Variants in TNNI3K observed in about 807,000 individuals in gnomAD.
TNNI3K encodes the protein TNNI3 interacting kinase.
Under a neutral mutation model 114.5 loss-of-function variants are expected in TNNI3K, and 140 were observed. That is an observed-to-expected ratio of 1.22 (90% confidence interval 1.07 to 1.41). The LOEUF (loss-of-function observed/expected upper bound fraction) is 1.41. Ranked by LOEUF, TNNI3K falls within the 40% of genes most tolerant of loss-of-function variation. The probability of loss-of-function intolerance (pLI) is 0.00; values close to 1 mark genes in which losing one functional copy is unlikely to be tolerated. For missense variants in TNNI3K, 1,125 were observed against 1,007.6 expected (o/e 1.12, Z -1.58); for synonymous variants, 347 against 347.5 (o/e 1.00, Z 0.02).
At chr1:74,440,696 T>A (rs886245804) in intron 20 of TNNI3K, among the ~76,000 whole-genome samples, 2 of 152,142 alleles carry the variant, frequency 1.3e-5, no homozygotes, top group African/African-American at 4.8e-5. Context: ...GTCCTAATTT[T>A]TCTCTACATA....
chr1:74,298,809 G>A (rs946687278), intron 5 of TNNI3K, among the ~76,000 whole-genome samples: 23 of 152,020 alleles, frequency 1.5e-4, no homozygotes, highest in African/African-American at 5.6e-4. Context: ...AAATATTTTA[G>A]TTGTTTTAAT....
chr1:74,254,682 A>G (rs1655164341), intron 4 of TNNI3K, among the ~76,000 whole-genome samples: 1 of 152,190 alleles, frequency 6.6e-6, no homozygotes, highest in Non-Finnish European at 1.5e-5. Flanking sequence ...ACTCATTGTT[A>G]GAGGAAAGGG....
At chr1:74,464,809 C>T in intron 21 of TNNI3K, 1 of 1,504,778 alleles carries the variant, frequency 6.6e-7, no homozygotes, top group Non-Finnish European at 8.9e-7. Flanking sequence ...CCATCACTAC[C>T]AAAATGTTAG....
At position 74,250,671 on chromosome 1, in the gene TNNI3K, G is replaced by A. The variant is rs1319861591; in HGVS notation, c.236-1G>A. ...AGCCTTTTTTCATTTTTCTCTTTAA[G>A]GCAAGAAATCACATATTCGAACTCT... On this transcript the variant is annotated splice_acceptor_variant, in intron 3 of 24. Coordinates refer to ENST00000326637, the MANE Select transcript of TNNI3K (RefSeq NM_015978.3). LOFTEE classifies it high-confidence loss of function. 1 of 1,606,674 alleles carries A rather than the reference G, an allele frequency of 6.2e-7. No homozygotes were observed.
intron 17 of TNNI3K, among the ~76,000 whole-genome samples, chr1:74,405,687 G>A (rs1489065062): frequency 6.6e-6 from 1 of 152,072 alleles, no homozygotes; most frequent in African/African-American, 2.4e-5. Flanking sequence ...GAAAAAATGA[G>A]GATTAGAGAA....
At chr1:74,311,010 AG>A (rs1402822052) in intron 5 of TNNI3K, among the ~76,000 whole-genome samples, 5 of 152,136 alleles carry the variant, frequency 3.3e-5, no homozygotes. Flanking sequence ...GCCCTAAGTC[AG>A]TTGGTCCCCA....
intron 17 of TNNI3K, among the ~76,000 whole-genome samples, chr1:74,404,453 T>C (rs1263892641): frequency 1.3e-5 from 2 of 152,194 alleles, no homozygotes; most frequent in African/African-American, 4.8e-5. Context: ...CTGTGCTTGC[T>C]AAAATCTAAG....
intron 21 of TNNI3K, among the ~76,000 whole-genome samples, chr1:74,481,731 CA>C (rs1178586179): frequency 1.3e-5 from 2 of 152,284 alleles, no homozygotes; most frequent in East Asian, 3.9e-4. Flanking sequence ...CATTAGAAAT[CA>C]AAGCATTTTA....
chr1:74,410,423 G>C (rs764241990), intron 17 of TNNI3K, among the ~76,000 whole-genome samples: 1 of 152,024 alleles, frequency 6.6e-6, no homozygotes. Context: ...ACTACTCCAG[G>C]CTCCCTCAAT....
At chr1:74,255,214 C>T (rs996559431) in intron 4 of TNNI3K, among the ~76,000 whole-genome samples, 6 of 151,818 alleles carry the variant, frequency 4.0e-5, no homozygotes, top group Non-Finnish European at 7.4e-5. Context: ...ATTAGCCGGG[C>T]GTAGTGGCGG....
rs1056446045 is a variant in TNNI3K, at chr1:74,449,425, C to T, written c.2011+9803C>T. Among the ~76,000 whole-genome samples the T allele has an allele frequency of 1.8e-4, 28 of 152,012 alleles. 1 individual carries two copies. Among genetic ancestry groups the T allele is most frequent in the African/African-American group, 5.5e-4 (23 of 41,458 alleles). ...CTTTCAAAAAACCAGCTCCTGGATT[C>T]ATTGATTTTTTGAATGGTTTTTTGT... On this transcript the variant is annotated intron_variant, in intron 20 of 24. Coordinates refer to ENST00000326637, the MANE Select transcript of TNNI3K (RefSeq NM_015978.3).
In TNNI3K at chr1:74,544,104, GT is replaced by G; in HGVS notation, c.*127del. 9.6e-7 allele frequency: 1 copy of G among 1,043,422 alleles called. No homozygotes were observed. The highest frequency in any genetic ancestry group is 1.3e-6 in the Non-Finnish European group (1 of 742,032). 64.6% of individuals were successfully genotyped at this position (1,043,422 alleles called of 1,614,324 possible). ...TCAAAGGTCTCCTTAAATTGGGCTT[GT>G]TTTTACTTGTCCTATTTAATTCCCC... is the stretch of plus-strand genomic sequence containing the variant. On this transcript the variant is annotated 3_prime_UTR_variant, in exon 25 of 25. Coordinates refer to ENST00000326637, the MANE Select transcript of TNNI3K (RefSeq NM_015978.3).
chr1:74,522,412 G>C (rs1646445872), intron 23 of TNNI3K, among the ~76,000 whole-genome samples: 1 of 152,110 alleles, frequency 6.6e-6, no homozygotes, highest in African/African-American at 2.4e-5. Flanking sequence ...TTTCCTTTCA[G>C]CTTGGTGTCT....
chr1:74,236,339 A>C (rs1653858469), intron 2 of TNNI3K, 129 bp downstream of exon 2: 3 of 671,264 alleles, frequency 4.5e-6, no homozygotes, highest in Non-Finnish European at 7.1e-6. Context: ...AAGCCTTAGG[A>C]TGTCAGATTA....
chr1:74,307,027 A>G lies in TNNI3K; in HGVS notation c.445-24423A>G, dbSNP rs533538029. ...CTTGTCTTTAACCCATCTTGAATTA[A>G]GTTTTGTATGCAGTGAGAGGTAAAC... On this transcript the variant is annotated intron_variant, in intron 5 of 24. Transcript: ENST00000326637. 2.6e-5 allele frequency among the ~76,000 whole-genome samples: 4 copies of G among 152,262 alleles called. No individual in the cohort carries two copies. In the South Asian group the frequency reaches 8.3e-4, roughly 32 times the overall value.
At chr1:74,492,065 T>C (rs1480407546) in intron 22 of TNNI3K, 32 bp from the exon 23 acceptor site, 1 of 1,483,578 alleles carries the variant, frequency 6.7e-7, no homozygotes, top group Non-Finnish European at 9.1e-7. Context: ...TTGGAAGTAT[T>C]AAACAATTGA....
chr1:74,430,344 A>T (rs1369526421), intron 17 of TNNI3K, among the ~76,000 whole-genome samples: 1 of 152,156 alleles, frequency 6.6e-6, no homozygotes, highest in Non-Finnish European at 1.5e-5. Flanking sequence ...AATTAATTCA[A>T]TTCTGAGGTT....
intron 23 of TNNI3K, among the ~76,000 whole-genome samples, chr1:74,493,525 G>A (rs1476869505): frequency 6.6e-6 from 1 of 152,166 alleles, no homozygotes; most frequent in African/African-American, 2.4e-5. Context: ...TAAATGTTAA[G>A]TTTCAAAGAG....
intron 23 of TNNI3K, among the ~76,000 whole-genome samples, chr1:74,533,839 A>G (rs555008150): frequency 1.3e-5 from 2 of 152,292 alleles, no homozygotes; most frequent in South Asian, 4.1e-4. Flanking sequence ...GCATGTTCTC[A>G]CTCATAGGTG....
Sources: allele counts gnomAD v4.1 joint callset (sites outside exome capture counted in the v4.1 genomes callset), GRCh38; gene constraint gnomAD v4.1.1; transcripts MANE v1.5; gene names NCBI Gene and HGNC (gene_info 2026-07-23, HGNC 2026-07-21).